Variants in FBLN2 observed in about 807,000 individuals in gnomAD.
FBLN2 encodes fibulin-2.
Under a neutral mutation model 123.7 loss-of-function variants are expected in FBLN2, and 81 were observed. The observed-to-expected ratio is 0.65, with a 90% confidence interval of 0.55 to 0.79. The LOEUF is 0.79. Ranked by LOEUF, FBLN2 falls within the 30% of genes least tolerant of loss-of-function variation. The pLI is 0.00. For missense variants in FBLN2, 1,603 were observed against 1,681.3 expected (o/e 0.95, Z 0.81); for synonymous variants, 699 against 701.4 (o/e 1.00, Z 0.05).
rs558787292 is a variant in FBLN2 at position 13,578,489 on chromosome 3, C to T, written c.1306+6828C>T. 7.2e-5 allele frequency among the ~76,000 whole-genome samples: 11 copies of T among 152,188 alleles called. No individual in the cohort carries two copies. The East Asian group carries it at 1.7e-3, about 24-fold the overall frequency. On this transcript the variant is annotated intron_variant, in intron 2 of 17. Coordinates refer to ENST00000404922, the MANE Select transcript of FBLN2 (RefSeq NM_001004019.2). ...TAGTGTGTGACTCTTTCACTTAGCA[C>T]GATGTTTTCAGGGTCCATTTCATGT...
chr3:13,620,675 C>A (rs1037843744), intron 8 of FBLN2, among the ~76,000 whole-genome samples: 2 of 152,156 alleles, frequency 1.3e-5, no homozygotes, highest in Non-Finnish European at 2.9e-5. Context: ...TGCCTGGGGG[C>A]AGGACAGAAA....
At position 13,630,691 on chromosome 3, in the gene FBLN2, C is replaced by A. The variant is rs552552484; in HGVS notation, c.2969-8C>A. The A allele has an allele frequency of 3.8e-6, 6 of 1,587,680 alleles. No individual in the cohort carries two copies. In the South Asian group the frequency reaches 6.9e-5, roughly 18 times the overall value. On this transcript the variant is annotated splice_region_variant and splice_polypyrimidine_tract_variant and intron_variant, in intron 14 of 17. Coordinates refer to ENST00000404922, the MANE Select transcript of FBLN2 (RefSeq NM_001004019.2). ...CCCTGCCATGACTGCCTGCTGGTGT[C>A]CCTGCAGACGTGAATGAGTGTGAGG...
At chr3:13,606,272 A>G (rs1212768428) in intron 2 of FBLN2, among the ~76,000 whole-genome samples, 1 of 152,222 alleles carries the variant, frequency 6.6e-6, no homozygotes, top group African/African-American at 2.4e-5. Context: ...TGTAGATGGC[A>G]ATTCCTTGTC....
At chr3:13,609,456 T>G (rs1047423311) in intron 3 of FBLN2, 57 bp from the exon 4 acceptor site, 7 of 1,492,444 alleles carry the variant, frequency 4.7e-6, no homozygotes, top group Non-Finnish European at 4.5e-6. Flanking sequence ...TCACTCACTT[T>G]CCACTCTGGG....
At chr3:13,618,472 T>C (rs1705713152) in intron 6 of FBLN2, among the ~76,000 whole-genome samples, 187 bp downstream of exon 6, 1 of 152,190 alleles carries the variant, frequency 6.6e-6, no homozygotes, top group South Asian at 2.1e-4. Context: ...GCTTTCTTCC[T>C]GGGGCTCCAT....
In FBLN2 at chr3:13,570,103, C is replaced by T. The variant is rs539721150; in HGVS notation, c.-41-212C>T. Among the ~76,000 whole-genome samples, 6 of 152,240 alleles carry T rather than the reference C, an allele frequency of 3.9e-5. No individual in the cohort carries two copies. The East Asian group carries it at 9.7e-4, about 25-fold the overall frequency. The stretch of plus-strand genomic sequence containing the variant: ...AGCGACTCCAGGTCAACACCTGTGG[C>T]GCCCAGCGACTAGACACTCACCTGT... On this transcript the variant is annotated intron_variant, in intron 1 of 17. Transcript: ENST00000404922.
At chr3:13,571,797 C>G in intron 2 of FBLN2, 136 bp downstream of exon 2, 1 of 1,013,168 alleles carries the variant, frequency 9.9e-7, no homozygotes, top group Non-Finnish European at 1.4e-6. Flanking sequence ...CCACCCCAGG[C>G]CCTTGGTTTG....
chr3:13,608,430 T>C (rs766453935), intron 3 of FBLN2, among the ~76,000 whole-genome samples: 3 of 152,232 alleles, frequency 2.0e-5, no homozygotes, highest in Non-Finnish European at 2.9e-5. Context: ...CCGAGGAATG[T>C]ACAATTTGAA....
intron 2 of FBLN2, among the ~76,000 whole-genome samples, chr3:13,584,745 G>C (rs529798330): frequency 1.3e-5 from 2 of 152,206 alleles, no homozygotes; most frequent in African/African-American, 4.8e-5. Flanking sequence ...GGCCGTGCGG[G>C]TATGGTGGTT....
At chr3:13,591,688 A>T (rs1704680633) in intron 2 of FBLN2, among the ~76,000 whole-genome samples, 1 of 152,200 alleles carries the variant, frequency 6.6e-6, no homozygotes, top group South Asian at 2.1e-4. Context: ...AGTATCTGCT[A>T]GTGAGAGTTT....
At chr3:13,612,320 T>TTTCTTTCC in intron 4 of FBLN2, among the ~76,000 whole-genome samples, 1 of 147,014 alleles carries the variant, frequency 6.8e-6, no homozygotes, top group Non-Finnish European at 1.5e-5. Context: ...TCTTTCTTTC[T>TTTCTTTCC]TTCTTTCTTT....
At chr3:13,599,842 G>T (rs1704965330) in intron 2 of FBLN2, among the ~76,000 whole-genome samples, 1 of 151,584 alleles carries the variant, frequency 6.6e-6, no homozygotes, top group Non-Finnish European at 1.5e-5. Context: ...GACATCTGGG[G>T]TGGTTTCTTG....
chr3:13,550,724 A>T (rs1703300106), intron 1 of FBLN2, among the ~76,000 whole-genome samples: 1 of 151,464 alleles, frequency 6.6e-6, no homozygotes, highest in African/African-American at 2.4e-5. Context: ...AGGGGGAGCT[A>T]CTCCCCTGGG....
At chr3:13,611,433 C>G (rs1284600714) in intron 4 of FBLN2, among the ~76,000 whole-genome samples, 1 of 152,132 alleles carries the variant, frequency 6.6e-6, no homozygotes, top group Non-Finnish European at 1.5e-5. Flanking sequence ...ACTCCCATTC[C>G]CTCTCCCTGT....
intron 10 of FBLN2, among the ~76,000 whole-genome samples, chr3:13,627,547 C>CA (rs1706089599): frequency 6.6e-6 from 1 of 152,210 alleles, no homozygotes; most frequent in African/African-American, 2.4e-5. Context: ...TGGGGCTTGT[C>CA]ATGACATCTA....
At chr3:13,568,876 G>A in intron 1 of FBLN2, 1 of 985,790 alleles carries the variant, frequency 1.0e-6, no homozygotes, top group Non-Finnish European at 1.2e-6. Flanking sequence ...AACCTGTCTT[G>A]CTGGCTGATA....
In FBLN2 at chr3:13,631,983, G is replaced by C. The variant is rs373949396; in HGVS notation, c.3214+526G>C. Among the ~76,000 whole-genome samples the C allele has an allele frequency of 5.4e-5, 8 of 148,550 alleles. No individual in the cohort carries two copies. The South Asian group carries it at 1.7e-3, about 32-fold the overall frequency. On this transcript the variant is annotated intron_variant, in intron 16 of 17. Coordinates refer to ENST00000404922, the MANE Select transcript of FBLN2 (RefSeq NM_001004019.2). Reference sequence around the variant, plus strand: ...TAGAGCTGGGAGGGGCTGCACAATGGGAGGGTCCCCCACTCCCCTGCTATT... The same window carrying C: ...TAGAGCTGGGAGGGGCTGCACAATGCGAGGGTCCCCCACTCCCCTGCTATT...
At chr3:13,607,276 G>C (rs1249436773) in intron 2 of FBLN2, among the ~76,000 whole-genome samples, 1 of 152,018 alleles carries the variant, frequency 6.6e-6, no homozygotes, top group Non-Finnish European at 1.5e-5. Context: ...ATGAGCCACC[G>C]CACCCAGCCT....
intron 9 of FBLN2, among the ~76,000 whole-genome samples, chr3:13,623,171 C>T (rs1705913673): frequency 6.6e-6 from 1 of 152,238 alleles, no homozygotes; most frequent in South Asian, 2.1e-4. Flanking sequence ...CCTCCTGACC[C>T]TGCTTGCCAG....
Sources: allele counts gnomAD v4.1 joint callset (sites outside exome capture counted in the v4.1 genomes callset), GRCh38; gene constraint gnomAD v4.1.1; transcripts MANE v1.5; gene names NCBI Gene and HGNC (gene_info 2026-07-23, HGNC 2026-07-21).